RALGAPA2: variants seen among roughly 807,000 people sequenced by gnomAD.
RALGAPA2 encodes the protein ral GTPase-activating protein subunit alpha-2.
RALGAPA2 carries 139 observed loss-of-function variants against 230.4 expected under a neutral mutation model. The observed-to-expected ratio is 0.60, with a 90% CI of 0.53 to 0.69. The LOEUF (loss-of-function observed/expected upper bound fraction) is 0.69. RALGAPA2 is among the 30% of genes least tolerant of loss of function. RALGAPA2 has a pLI of 0.00. For missense variants in RALGAPA2, 2,163 were observed against 2,276.0 expected, an observed-to-expected ratio of 0.95 and a Z score of 1.01; for synonymous variants, 847 against 837.8, an observed-to-expected ratio of 1.01 and a Z score of -0.19.
chr20:20,562,583 C>T (rs1386902591), intron 23 of RALGAPA2, among the ~76,000 whole-genome samples: 1 of 152,252 alleles, frequency 6.6e-6, no homozygotes, highest in East Asian at 1.9e-4. Flanking sequence ...AGTCTTTACA[C>T]CTTTAAATCC....
intron 12 of RALGAPA2, among the ~76,000 whole-genome samples, chr20:20,617,977 G>A (rs1229403366): frequency 2.0e-5 from 3 of 151,918 alleles, no homozygotes; most frequent in African/African-American, 4.8e-5. Flanking sequence ...CTCATTTAAC[G>A]TCATCAATAG....
rs1030640405 is a variant in RALGAPA2, at chr20:20,619,368, C to A, written c.1448G>T (p.Arg483Leu). 7 of 1,609,866 alleles carry A rather than the reference C, an allele frequency of 4.3e-6. No homozygotes were observed. The highest frequency in any genetic ancestry group is 5.9e-6 in the Non-Finnish European group (7 of 1,177,372). Residue 483 changes from arginine (R) to leucine (L), a missense_variant, in exon 12 of 40, where the codon CGC becomes CTC. Coordinates refer to ENST00000202677, the MANE Select transcript of RALGAPA2 (RefSeq NM_020343.4). ...CATTGCACTTGTGAAGGAGTATGTG[C>A]GTCCCCAACTGGAAGATCGTTTATG... ...SGHKRSSSWG[R>L]TYSFTSAMSR...
At chr20:20,667,131 C>G (rs724280) in intron 3 of RALGAPA2, among the ~76,000 whole-genome samples, 8,115 of 152,120 alleles carry the variant, frequency 0.053, 296 homozygotes, top group East Asian at 0.16. Flanking sequence ...ATTGCATATA[C>G]AAAACAATGC....
intron 37 of RALGAPA2, chr20:20,471,671 A>G (rs1209824087): frequency 2.0e-5 from 3 of 152,198 alleles, no homozygotes; most frequent in Non-Finnish European, 4.4e-5. Context: ...ACTCACCACC[A>G]GCCTGGACAA....
At chr20:20,572,783 T>A in intron 21 of RALGAPA2, 92 bp downstream of exon 21, 1 of 1,071,314 alleles carries the variant, frequency 9.3e-7, no homozygotes, top group African/African-American at 1.6e-5. Flanking sequence ...TGTTTCGGAA[T>A]ATGTTCAGTA....
At chr20:20,418,384 A>T (rs1167260960) in intron 37 of RALGAPA2, among the ~76,000 whole-genome samples, 1 of 152,160 alleles carries the variant, frequency 6.6e-6, no homozygotes, top group African/African-American at 2.4e-5. Context: ...AGCCCCAAGA[A>T]CCTGCTGCTG....
chr20:20,680,831 A>T, intron 1 of RALGAPA2, 30 bp from the exon 2 acceptor site: 1 of 1,529,850 alleles, frequency 6.5e-7, no homozygotes, highest in Non-Finnish European at 8.7e-7. Flanking sequence ...ATTTATGACA[A>T]TTCACTTTAT....
rs747968807 is a variant in RALGAPA2 at position 20,524,395 on chromosome 20, T to C, written c.3900+11A>G. Reference sequence around the variant, plus strand: ...CACACTCCATTCCCCCAGGCCCAGGTGTAGACTCACCCTGTAGATATAATC... The same window carrying C: ...CACACTCCATTCCCCCAGGCCCAGGCGTAGACTCACCCTGTAGATATAATC... On this transcript the variant is annotated intron_variant, in intron 30 of 39. Transcript: ENST00000202677. 2.5e-6 allele frequency: 4 copies of C among 1,613,612 alleles called. No homozygotes were observed. Among genetic ancestry groups the C allele is most frequent in the Non-Finnish European group, 2.5e-6 (3 of 1,179,678 alleles).
intron 24 of RALGAPA2, among the ~76,000 whole-genome samples, chr20:20,540,260 A>G (rs1183001147): frequency 1.3e-5 from 2 of 152,228 alleles, no homozygotes; most frequent in East Asian, 3.8e-4. Flanking sequence ...ATGTGTAGGA[A>G]AAATGGTATG....
intron 1 of RALGAPA2, among the ~76,000 whole-genome samples, chr20:20,682,786 C>A (rs569946478): frequency 6.6e-6 from 1 of 152,320 alleles, no homozygotes; most frequent in South Asian, 2.1e-4. Context: ...TTAGCCTACA[C>A]ATACAATGAT....
chr20:20,501,381 G>A (rs1430244400), intron 35 of RALGAPA2, among the ~76,000 whole-genome samples: 3 of 152,124 alleles, frequency 2.0e-5, no homozygotes, highest in Non-Finnish European at 1.5e-5. Flanking sequence ...TTAATGCTTC[G>A]CCTTGTGCTT....
chr20:20,637,569 G>A, intron 7 of RALGAPA2, 68 bp from the exon 8 acceptor site: 8 of 1,309,042 alleles, frequency 6.1e-6, no homozygotes, highest in Non-Finnish European at 8.2e-6. Flanking sequence ...CTAAACTGAA[G>A]TGTTGTTATG....
At chr20:20,589,913 C>T (rs911693447) in intron 17 of RALGAPA2, among the ~76,000 whole-genome samples, 7 of 149,976 alleles carry the variant, frequency 4.7e-5, no homozygotes, top group African/African-American at 1.7e-4. Flanking sequence ...TCTACAAAAA[C>T]ATAATTTATC....
At chr20:20,522,439 A>C (rs930610113) in intron 30 of RALGAPA2, among the ~76,000 whole-genome samples, 2 of 152,234 alleles carry the variant, frequency 1.3e-5, no homozygotes, top group African/African-American at 2.4e-5. Flanking sequence ...AATAATGTTG[A>C]GCAAAAGATG....
intron 1 of RALGAPA2, among the ~76,000 whole-genome samples, chr20:20,695,755 C>T (rs2069087441): frequency 6.6e-6 from 1 of 152,150 alleles, no homozygotes; most frequent in South Asian, 2.1e-4. Context: ...TACATCTTTG[C>T]AATTAACACT....
At chr20:20,612,883 A>G (rs2066018134) in intron 13 of RALGAPA2, among the ~76,000 whole-genome samples, 2 of 152,216 alleles carry the variant, frequency 1.3e-5, no homozygotes, top group Non-Finnish European at 2.9e-5. Flanking sequence ...GCATAAGACA[A>G]TGAAAAACAA....
rs2065042278 is a variant in RALGAPA2 at position 20,583,308 on chromosome 20, TA to T, written c.2531-83del. On this transcript the variant is annotated intron_variant, in intron 19 of 39. Transcript: ENST00000202677. ...TCACAATTACTGATACGAAAGTAAC[TA>T]AACAAACAGCAGACACAGTAGGAAT... 1.1e-5 allele frequency: 15 copies of T among 1,364,478 alleles called. No homozygotes were observed. The South Asian group carries it at 2.0e-4, about 19-fold the overall frequency. 84.5% of individuals were successfully genotyped at this position (1,364,478 alleles called of 1,614,324 possible).
At chr20:20,408,896 A>C (rs144296937) in intron 38 of RALGAPA2, among the ~76,000 whole-genome samples, 54 of 152,388 alleles carry the variant, frequency 3.5e-4, no homozygotes, top group African/African-American at 1.3e-3. Context: ...AAAGTAGTTG[A>C]AATATCTTTA....
chr20:20,568,888 A>G (rs895798249), intron 23 of RALGAPA2, among the ~76,000 whole-genome samples: 4 of 152,228 alleles, frequency 2.6e-5, no homozygotes, highest in African/African-American at 4.8e-5. Context: ...TTATTTATTT[A>G]AAAACACAGG....
Sources: gnomAD v4.1 joint callset for allele counts (sites outside exome capture counted in the v4.1 genomes callset) on GRCh38, gnomAD v4.1.1 for gene constraint, MANE v1.5 for transcripts, NCBI Gene and HGNC (gene_info 2026-07-23, HGNC 2026-07-21) for gene names.